STK24: variants seen among roughly 807,000 people sequenced by gnomAD.
The protein encoded by STK24 is serine/threonine kinase 24, also known as serine/threonine-protein kinase 24.
Under a neutral mutation model 55.6 loss-of-function variants are expected in STK24, and 21 were observed. That is an observed-to-expected ratio of 0.38 (90% confidence interval 0.27 to 0.54). The LOEUF (loss-of-function observed/expected upper bound fraction) is 0.54. STK24 is among the 20% of genes least tolerant of loss of function. The pLI, the probability that STK24 is intolerant of heterozygous loss-of-function variation, is 0.79. For missense variants in STK24, 383 were observed against 538.4 expected (o/e 0.71, Z 2.86); for synonymous variants, 200 against 215.2 (o/e 0.93, Z 0.62).
intron 1 of STK24, among the ~76,000 whole-genome samples, chr13:98,564,818 C>T (rs1036872596): frequency 1.3e-5 from 2 of 152,228 alleles, no homozygotes; most frequent in African/African-American, 4.8e-5. Context: ...AGCAGGAGGA[C>T]TGCTTGAGGC....
intron 5 of STK24, among the ~76,000 whole-genome samples, chr13:98,468,587 C>G (rs1367182403): frequency 1.1e-4 from 16 of 152,170 alleles, no homozygotes; most frequent in Non-Finnish European, 2.9e-5. Flanking sequence ...TTCTCCACAC[C>G]AACAGGTGGC....
At chr13:98,475,418 A>G in intron 3 of STK24, 60 bp from the exon 4 acceptor site, 1 of 1,224,918 alleles carries the variant, frequency 8.2e-7, no homozygotes, top group Non-Finnish European at 1.2e-6. Flanking sequence ...AAAGTTTGAG[A>G]TAAAACAGAA....
chr13:98,445,970 G>A lies in STK24; in HGVS notation c.*7203C>T. On this transcript the variant is annotated 3_prime_UTR_variant, in exon 11 of 11. Coordinates refer to ENST00000539966, the MANE Select transcript of STK24 (RefSeq NM_001032296.4). ...AGTCTCCCCACACACGGGGGAGCGGGGGTGGGGCCCACATCCTTCAGTCAC... is the reference window on the plus strand; with the variant it reads ...AGTCTCCCCACACACGGGGGAGCGGAGGTGGGGCCCACATCCTTCAGTCAC... 1.6e-6 allele frequency: 1 copy of A among 630,148 alleles called. No homozygotes were observed. The highest frequency in any genetic ancestry group is 2.8e-6 in the Non-Finnish European group (1 of 352,774). 39.0% of individuals were successfully genotyped at this position (630,148 alleles called of 1,614,324 possible).
At chr13:98,486,910 G>A (rs2139313746) in intron 2 of STK24, among the ~76,000 whole-genome samples, 1 of 152,320 alleles carries the variant, frequency 6.6e-6, no homozygotes, top group East Asian at 1.9e-4. Flanking sequence ...TCAGATCGGT[G>A]CTTCCAACCT....
rs942446205 is a variant in STK24 at position 98,453,491 on chromosome 13, A to G, written c.1260-282T>C. On this transcript the variant is annotated intron_variant, in intron 10 of 10. Coordinates refer to ENST00000539966, the MANE Select transcript of STK24 (RefSeq NM_001032296.4). ...TAAAACGGGAAATCATATCCCTTTTACTTACGATCAATTGTCAAAAAGTGA... is the reference window on the plus strand; with the variant it reads ...TAAAACGGGAAATCATATCCCTTTTGCTTACGATCAATTGTCAAAAAGTGA... The G allele has an allele frequency of 2.7e-5, 11 of 403,638 alleles. No individual in the cohort carries two copies. The Admixed American group carries it at 4.3e-4, about 16-fold the overall frequency. The allele number at this position is 403,638 out of a possible 1,614,324, so 25.0% of individuals were successfully genotyped here.
At chr13:98,543,499 G>A (rs190248009) in intron 1 of STK24, among the ~76,000 whole-genome samples, 5 of 152,298 alleles carry the variant, frequency 3.3e-5, no homozygotes, top group East Asian at 1.9e-4. Flanking sequence ...CACACACTAC[G>A]AAAGGTCAAA....
intron 10 of STK24, chr13:98,454,195 C>T (rs1415548472): frequency 6.6e-6 from 1 of 152,158 alleles, no homozygotes; most frequent in Non-Finnish European, 1.5e-5. Context: ...CAACAGAAGG[C>T]AATGCACCCA....
intron 1 of STK24, among the ~76,000 whole-genome samples, chr13:98,565,330 T>A (rs1359339810): frequency 1.3e-5 from 2 of 151,828 alleles, no homozygotes; most frequent in Non-Finnish European, 2.9e-5. Flanking sequence ...CTGAGTGGCC[T>A]TATATTCTAT....
intron 2 of STK24, among the ~76,000 whole-genome samples, chr13:98,511,885 A>T (rs1003914005): frequency 3.4e-5 from 5 of 146,792 alleles, no homozygotes; most frequent in Non-Finnish European, 5.9e-5. Flanking sequence ...TACATCCAAG[A>T]GTGAGTTTTA....
intron 1 of STK24, among the ~76,000 whole-genome samples, chr13:98,567,318 G>A (rs969497545): frequency 2.7e-5 from 4 of 148,364 alleles, no homozygotes; most frequent in Non-Finnish European, 4.5e-5. Context: ...TGGCACACGT[G>A]TGCCCCAGTC....
chr13:98,528,818 A>G (rs1463474944), intron 1 of STK24, among the ~76,000 whole-genome samples: 1 of 152,166 alleles, frequency 6.6e-6, no homozygotes, highest in Non-Finnish European at 1.5e-5. Context: ...ATGAAAACAA[A>G]AAGAAACTGA....
At chr13:98,521,252 G>A (rs2139385319) in intron 1 of STK24, among the ~76,000 whole-genome samples, 1 of 151,590 alleles carries the variant, frequency 6.6e-6, no homozygotes, top group Middle Eastern at 3.4e-3. Context: ...TATCAATTGG[G>A]TGATTAATCG....
chr13:98,548,080 G>A (rs1001703728), intron 1 of STK24, among the ~76,000 whole-genome samples: 12 of 152,088 alleles, frequency 7.9e-5, no homozygotes, highest in Admixed American at 5.2e-4. Context: ...TGGAGTCTAC[G>A]GCCAGGTGCA....
At chr13:98,502,618 A>G (rs1341587423) in intron 2 of STK24, among the ~76,000 whole-genome samples, 2 of 152,164 alleles carry the variant, frequency 1.3e-5, no homozygotes, top group Non-Finnish European at 2.9e-5. Context: ...GGGTCGTTAT[A>G]CAGCAAGTCC....
At chr13:98,568,153 C>T (rs953414919) in intron 1 of STK24, among the ~76,000 whole-genome samples, 6 of 152,080 alleles carry the variant, frequency 3.9e-5, no homozygotes, top group South Asian at 2.1e-4. Flanking sequence ...TGTATCATCA[C>T]GCCTGGCTAA....
intron 2 of STK24, among the ~76,000 whole-genome samples, chr13:98,486,940 T>G (rs867907385): frequency 6.6e-6 from 1 of 152,164 alleles, no homozygotes; most frequent in South Asian, 2.1e-4. Flanking sequence ...AAGTGACAAT[T>G]AAATGAGATC....
At chr13:98,552,433 T>C (rs1897179798) in intron 1 of STK24, among the ~76,000 whole-genome samples, 2 of 152,158 alleles carry the variant, frequency 1.3e-5, no homozygotes, top group South Asian at 4.1e-4. Context: ...CATCTGCAGC[T>C]AAGCCGGCGG....
chr13:98,460,877 T>TA (rs138653586), intron 8 of STK24, among the ~76,000 whole-genome samples: 24,477 of 144,268 alleles, frequency 0.17, 2,043 homozygotes, highest in Middle Eastern at 0.25. Flanking sequence ...ATGTTTCTAT[T>TA]AAAAAAAAAA....
At chr13:98,563,546 AT>A (rs1227400772) in intron 1 of STK24, among the ~76,000 whole-genome samples, 2 of 152,148 alleles carry the variant, frequency 1.3e-5, no homozygotes, top group African/African-American at 4.8e-5. Flanking sequence ...TTACCCTTGT[AT>A]TTTAAAATGC....
Sources: gnomAD v4.1 joint callset for allele counts (sites outside exome capture counted in the v4.1 genomes callset) on GRCh38, gnomAD v4.1.1 for gene constraint, MANE v1.5 for transcripts, NCBI Gene and HGNC (gene_info 2026-07-23, HGNC 2026-07-21) for gene names.